The following EFCAB12 variants were observed in gnomAD, a reference collection of about 807,000 sequenced individuals.
EFCAB12 encodes the protein EF-hand calcium-binding domain-containing protein 12.
Under a neutral mutation model 53.6 loss-of-function variants are expected in EFCAB12, and 43 were observed. The ratio of observed to expected loss-of-function variants is 0.80; its 90% CI spans 0.63 to 1.03. EFCAB12 has a LOEUF of 1.03. Among genes scored for constraint, EFCAB12 ranks in the 50% least tolerant of loss-of-function variants. EFCAB12 has a pLI of 0.00. For missense variants in EFCAB12, 646 were observed against 730.6 expected, an observed-to-expected ratio of 0.88 and a Z score of 1.34; for synonymous variants, 269 against 289.2, an observed-to-expected ratio of 0.93 and a Z score of 0.71.
At chr3:129,404,925 A>G (rs954603433) in intron 6 of EFCAB12, among the ~76,000 whole-genome samples, 7 of 152,194 alleles carry the variant, frequency 4.6e-5, no homozygotes, top group South Asian at 4.1e-4. Context: ...CGACCCTCCT[A>G]CCTTAGCCTC....
chr3:129,410,727 G>A (rs898738843), intron 5 of EFCAB12, among the ~76,000 whole-genome samples: 7 of 152,172 alleles, frequency 4.6e-5, no homozygotes, highest in South Asian at 2.1e-4. Context: ...TATAACACCC[G>A]GAAGAGTGCC....
intron 3 of EFCAB12, among the ~76,000 whole-genome samples, chr3:129,416,564 A>G (rs939058549): frequency 6.6e-6 from 1 of 152,240 alleles, no homozygotes; most frequent in Admixed American, 6.5e-5. Context: ...CATGTCATAA[A>G]ACATGTGTGA....
intron 6 of EFCAB12, 143 bp downstream of exon 6, chr3:129,408,502 C>T: frequency 1.2e-6 from 1 of 863,280 alleles, no homozygotes; most frequent in Non-Finnish European, 1.8e-6. Flanking sequence ...TCCTCCACGC[C>T]CCCACTCCGC....
intron 4 of EFCAB12, chr3:129,414,901 C>T (rs763634576): frequency 2.7e-5 from 5 of 187,898 alleles, no homozygotes; most frequent in Non-Finnish European, 5.4e-5. Context: ...AGTGAGGAGG[C>T]CTTGGACCCA....
At chr3:129,424,390 G>A (rs2072226571) in intron 1 of EFCAB12, among the ~76,000 whole-genome samples, 1 of 152,176 alleles carries the variant, frequency 6.6e-6, no homozygotes. Flanking sequence ...GTTCTCATGA[G>A]AGCGAGTGCT....
rs764797859 is a variant in EFCAB12, at chr3:129,421,794, G to A, written c.59C>T (p.Pro20Leu). Residue 20 changes from proline to leucine, a missense_variant, in exon 2 of 9, where the codon CCG becomes CTG. Transcript: ENST00000505956. ...ATTTTCATTGATGGGAGTCTTAGAC[G>A]GGCAGAGTCCTTGGGGTAAGAGAGT... ...SLFLSLLGLC[P>L]SKTPINENAP... is the part of the protein sequence containing the mutation. 1.9e-5 allele frequency: 31 copies of A among 1,611,466 alleles called. No individual in the cohort carries two copies. The South Asian group carries it at 2.9e-4, about 15-fold the overall frequency.
intron 2 of EFCAB12, among the ~76,000 whole-genome samples, chr3:129,421,109 G>A (rs1201813602): frequency 2.0e-5 from 3 of 152,254 alleles, no homozygotes; most frequent in Non-Finnish European, 2.9e-5. Context: ...GAGCCAGAGC[G>A]ACCCAGCAAA....
At chr3:129,421,969 C>A (rs549615205) in intron 1 of EFCAB12, among the ~76,000 whole-genome samples, 166 bp from the exon 2 acceptor site, 1 of 152,320 alleles carries the variant, frequency 6.6e-6, no homozygotes, top group Admixed American at 6.5e-5. Context: ...TCTAATGTTA[C>A]CGGGTGCTCC....
chr3:129,401,870 C>G lies in EFCAB12; in HGVS notation c.1461-19G>C, dbSNP rs1389741633. 3.1e-6 allele frequency: 5 copies of G among 1,606,320 alleles called. No homozygotes were observed. Among genetic ancestry groups the G allele is most frequent in the Non-Finnish European group, 4.3e-6 (5 of 1,174,922 alleles). ...CAGCTTCCTGGAAAACAAGAAGACA[C>G]AGGGATGGTTGTCATGGCAGACAGG... On this transcript the variant is annotated intron_variant, in intron 8 of 8. Transcript: ENST00000505956.
At chr3:129,402,942 C>G in intron 7 of EFCAB12, 1 of 212,844 alleles carries the variant, frequency 4.7e-6, no homozygotes, top group South Asian at 6.9e-5. Context: ...TCCTACTCCC[C>G]ACTCCAGAGC....
chr3:129,416,446 C>CA (rs1276388466), intron 3 of EFCAB12, among the ~76,000 whole-genome samples: 2 of 148,962 alleles, frequency 1.3e-5, no homozygotes, highest in African/African-American at 5.1e-5. Context: ...AACAAACAAA[C>CA]AAAAAAATGA....
chr3:129,407,449 G>A (rs562887092), intron 6 of EFCAB12, among the ~76,000 whole-genome samples: 10 of 152,318 alleles, frequency 6.6e-5, no homozygotes, highest in African/African-American at 2.2e-4. Flanking sequence ...TAGTTCTCAC[G>A]TAAGTCACAC....
chr3:129,402,444 G>A (rs1376477812), intron 8 of EFCAB12, 79 bp downstream of exon 8: 1 of 1,473,650 alleles, frequency 6.8e-7, no homozygotes, highest in East Asian at 2.4e-5. Flanking sequence ...TGCCAGGAGT[G>A]CAGAGTCCCA....
At chr3:129,406,539 G>GTCACCT (rs1225493461) in intron 6 of EFCAB12, among the ~76,000 whole-genome samples, 7 of 152,300 alleles carry the variant, frequency 4.6e-5, no homozygotes, top group South Asian at 2.1e-4. Context: ...GTCTTGCTCT[G>GTCACCT]TCACCTAGGC....
chr3:129,415,716 C>T (rs1409635004), intron 3 of EFCAB12, among the ~76,000 whole-genome samples: 2 of 152,192 alleles, frequency 1.3e-5, no homozygotes, highest in Non-Finnish European at 2.9e-5. Flanking sequence ...TAGGGTCCCA[C>T]CCCACTTCCT....
In EFCAB12 at chr3:129,402,561, G is replaced by T. The variant is rs981891246; in HGVS notation, c.1422C>A (p.Ser474Arg). ...KRTDKKTPKK[S>R]KKMRFKEFEE... is the part of the protein sequence containing the mutation. ...CAAACTCCTTAAAGCGCATTTTCTT[G>T]CTTTTCTTTGGCGTTTTCCTAGTGG... The change falls in exon 8 of 9, where the codon AGC (serine) becomes AGA (arginine). Residue 474 changes from serine (S) to arginine (R), a missense_variant. Physicochemically the swap from Ser to Arg is moderately radical, Grantham distance 110. Coordinates refer to ENST00000505956, the MANE Select transcript of EFCAB12 (RefSeq NM_207307.3). 3 of 1,612,874 alleles carry T rather than the reference G, an allele frequency of 1.9e-6. No homozygotes were observed. Among genetic ancestry groups the T allele is most frequent in the Admixed American group, 3.3e-5 (2 of 59,874 alleles).
At chr3:129,419,181 T>C (rs1184805259) in intron 2 of EFCAB12, among the ~76,000 whole-genome samples, 3 of 152,240 alleles carry the variant, frequency 2.0e-5, no homozygotes, top group Admixed American at 6.5e-5. Context: ...TGACTTTTGT[T>C]AAGCCACTTG....
At chr3:129,409,113 T>C (rs72984759) in intron 5 of EFCAB12, among the ~76,000 whole-genome samples, 9,518 of 152,234 alleles carry the variant, frequency 0.063, 928 homozygotes, top group East Asian at 0.44. Context: ...GTAACATATA[T>C]GGTAAAACAC....
In EFCAB12 at chr3:129,401,535, C is replaced by T. The variant is rs1002111273; in HGVS notation, c.*58G>A. ...CTCCTCTTGTGTCTGGGCTCTGGGC[C>T]GCTGGCTGCACTGGCCCCTGGCCCA... On this transcript the variant is annotated 3_prime_UTR_variant, in exon 9 of 9. Coordinates refer to ENST00000505956, the MANE Select transcript of EFCAB12 (RefSeq NM_207307.3). 1.6e-5 allele frequency: 23 copies of T among 1,463,170 alleles called. No homozygotes were observed. Among genetic ancestry groups the T allele is most frequent in the Admixed American group, 5.2e-5 (2 of 38,580 alleles). 90.6% of individuals were successfully genotyped at this position (1,463,170 alleles called of 1,614,324 possible).
Sources: gnomAD v4.1 joint callset for allele counts (sites outside exome capture counted in the v4.1 genomes callset) on GRCh38, gnomAD v4.1.1 for gene constraint, MANE v1.5 for transcripts, NCBI Gene and HGNC (gene_info 2026-07-23, HGNC 2026-07-21) for gene names.